The following RTTN variants were observed in gnomAD, a reference collection of about 807,000 sequenced individuals.
The protein encoded by RTTN is rotatin.
RTTN carries 182 observed loss-of-function variants against 269.2 expected under a neutral mutation model. That is an observed-to-expected ratio of 0.68 (90% confidence interval 0.60 to 0.76). The LOEUF (loss-of-function observed/expected upper bound fraction) is 0.76, where lower values mean the gene tolerates loss of function less well. Among genes scored for constraint, RTTN ranks in the 30% least tolerant of loss-of-function variants. RTTN has a pLI of 0.00. For missense variants in RTTN, 2,545 were observed against 2,608.6 expected, an observed-to-expected ratio of 0.98 and a Z score of 0.53; for synonymous variants, 1,006 against 963.5, an observed-to-expected ratio of 1.04 and a Z score of -0.82.
At chr18:70,188,041 G>A (rs1004045538) in intron 10 of RTTN, 67 bp downstream of exon 10, 16 of 855,520 alleles carry the variant, frequency 1.9e-5, no homozygotes, top group South Asian at 2.9e-5. Flanking sequence ...CAATGAAACC[G>A]GCTTAAAAGA....
chr18:70,163,198 A>T (rs1003955673), intron 14 of RTTN, among the ~76,000 whole-genome samples: 1 of 151,634 alleles, frequency 6.6e-6, no homozygotes, highest in Non-Finnish European at 1.5e-5. Context: ...CCTGGCCAAC[A>T]TGGTGAAACC....
chr18:70,019,519 A>C (rs2056641112), intron 45 of RTTN: 1 of 152,226 alleles, frequency 6.6e-6, no homozygotes, highest in Non-Finnish European at 1.5e-5. Context: ...ACATACATGA[A>C]CATATACATG....
chr18:70,004,006 GTTCTCTC>G lies in RTTN; in HGVS notation c.*138_*144del. On this transcript the variant is annotated 3_prime_UTR_variant, in exon 49 of 49. Transcript: ENST00000640769. ...ACTGGACGGTGTTGGAGTATCACCA[GTTCTCTC>G]TCTCATGGGAAAGAAGGGGATCAAC... The G allele has an allele frequency of 5.1e-6, 3 of 592,160 alleles. No individual in the cohort carries two copies. The highest frequency in any genetic ancestry group is 9.0e-6 in the Non-Finnish European group (3 of 333,454). 36.7% of individuals were successfully genotyped at this position (592,160 alleles called of 1,614,324 possible). A position where few individuals can be genotyped will look rare whatever the true frequency, so the allele number is the denominator to read the frequency against.
At chr18:70,192,370 G>T (rs1029854434) in intron 8 of RTTN, among the ~76,000 whole-genome samples, 5 of 152,126 alleles carry the variant, frequency 3.3e-5, no homozygotes, top group African/African-American at 9.7e-5. Context: ...CAGAGTTGGT[G>T]TATGAAAATC....
intron 25 of RTTN, among the ~76,000 whole-genome samples, chr18:70,124,566 G>A (rs1355254192): frequency 6.6e-6 from 1 of 152,020 alleles, no homozygotes; most frequent in Non-Finnish European, 1.5e-5. Flanking sequence ...AGAAGTGTAT[G>A]CCCTAAAATA....
chr18:70,029,735 T>C (rs1425077511), intron 42 of RTTN, among the ~76,000 whole-genome samples: 2 of 152,206 alleles, frequency 1.3e-5, no homozygotes, highest in African/African-American at 2.4e-5. Context: ...TTTTGTAGTA[T>C]AAAAAATTTA....
chr18:70,191,523 T>A (rs933682769), intron 8 of RTTN, among the ~76,000 whole-genome samples: 1 of 152,194 alleles, frequency 6.6e-6, no homozygotes, highest in Non-Finnish European at 1.5e-5. Flanking sequence ...TTCGACATCA[T>A]GTAGTGACTT....
intron 26 of RTTN, among the ~76,000 whole-genome samples, chr18:70,116,652 T>G (rs2059608883): frequency 6.6e-6 from 1 of 152,102 alleles, no homozygotes; most frequent in Admixed American, 6.6e-5. Flanking sequence ...GGCCATTATT[T>G]TGTCACTGTT....
chr18:70,169,116 C>T (rs531465761), intron 11 of RTTN, 49 bp from the exon 12 acceptor site: 3 of 1,395,150 alleles, frequency 2.2e-6, no homozygotes, highest in Non-Finnish European at 2.9e-6. Context: ...TTAAAAAAAA[C>T]TTATTTTAGA....
chr18:70,172,607 C>T (rs1025677184), intron 11 of RTTN, among the ~76,000 whole-genome samples: 5 of 151,716 alleles, frequency 3.3e-5, no homozygotes, highest in African/African-American at 1.2e-4. Context: ...TAATAAAGTT[C>T]CAAGTTATAT....
intron 46 of RTTN, among the ~76,000 whole-genome samples, chr18:70,011,491 CAT>C (rs1299269710): frequency 6.6e-6 from 1 of 152,176 alleles, no homozygotes; most frequent in African/African-American, 2.4e-5. Flanking sequence ...ACAAAAACCA[CAT>C]GATTATCTCA....
chr18:70,137,376 A>T (rs1244994958), intron 21 of RTTN, among the ~76,000 whole-genome samples: 1 of 152,192 alleles, frequency 6.6e-6, no homozygotes, highest in East Asian at 1.9e-4. Flanking sequence ...ATTCTGTCAT[A>T]ACATAAAGTT....
In RTTN at chr18:70,020,823, A is replaced by G; in HGVS notation, c.5951-6T>C. 1 of 1,607,204 alleles carries G rather than the reference A, an allele frequency of 6.2e-7. No individual in the cohort carries two copies. The highest frequency in any genetic ancestry group is 8.5e-7 in the Non-Finnish European group (1 of 1,176,226). On this transcript the variant is annotated splice_region_variant and splice_polypyrimidine_tract_variant and intron_variant, in intron 44 of 48. Transcript: ENST00000640769. ...CCAACAAAGAGAACTGCAACCTTCA[A>G]AAATAACAGCCTATCACAATGTCTT...
intron 44 of RTTN, among the ~76,000 whole-genome samples, chr18:70,023,581 C>G (rs1030499614): frequency 6.6e-6 from 1 of 152,174 alleles, no homozygotes; most frequent in Non-Finnish European, 1.5e-5. Context: ...GAAGTTCACC[C>G]CGGACACCTT....
intron 11 of RTTN, among the ~76,000 whole-genome samples, chr18:70,174,611 G>A (rs77745133): frequency 0.034 from 5,181 of 151,574 alleles, 306 homozygotes; most frequent in African/African-American, 0.12. Context: ...TGGAATACTT[G>A]TGGAAATCAT....
At chr18:70,080,928 TCACACACACACA>T (rs138851066) in intron 32 of RTTN, among the ~76,000 whole-genome samples, 9,427 of 146,334 alleles carry the variant, frequency 0.064, 308 homozygotes, top group African/African-American at 0.096. Flanking sequence ...GTGTGTGGTA[TCACACACACACA>T]CACACACACA....
intron 14 of RTTN, among the ~76,000 whole-genome samples, chr18:70,164,036 G>A (rs1285078794): frequency 6.6e-6 from 1 of 152,100 alleles, no homozygotes; most frequent in Admixed American, 6.5e-5. Context: ...GAGACAGAAA[G>A]TAGAAAGGTG....
At position 70,017,246 on chromosome 18, in the gene RTTN, G is replaced by A. The variant is rs570546292; in HGVS notation, c.6421+161C>T. 2.0e-5 allele frequency among the ~76,000 whole-genome samples: 3 copies of A among 152,270 alleles called. No homozygotes were observed. In the South Asian group the frequency reaches 6.2e-4, roughly 32 times the overall value. ...GGAGACTCCTGGAAGCCCACGGAAG[G>A]CTGAAGCCATGCCTGATTCATTCCC... On this transcript the variant is annotated intron_variant, in intron 46 of 48. Coordinates refer to ENST00000640769, the MANE Select transcript of RTTN (RefSeq NM_173630.4).
At chr18:70,094,776 G>T (rs2058951994) in intron 28 of RTTN, among the ~76,000 whole-genome samples, 1 of 152,116 alleles carries the variant, frequency 6.6e-6, no homozygotes, top group Non-Finnish European at 1.5e-5. Flanking sequence ...TTGGGGTGGA[G>T]AGTTCTGTAG....
Sources: gnomAD v4.1 joint callset for allele counts (sites outside exome capture counted in the v4.1 genomes callset) on GRCh38, gnomAD v4.1.1 for gene constraint, MANE v1.5 for transcripts, NCBI Gene and HGNC (gene_info 2026-07-23, HGNC 2026-07-21) for gene names.